RBM26: variants seen among roughly 807,000 people sequenced by gnomAD.
RBM26 encodes RNA binding motif protein 26.
RBM26 carries 30 observed loss-of-function variants against 123.6 expected under a neutral mutation model. The observed-to-expected ratio is 0.24, with a 90% CI of 0.18 to 0.33. The LOEUF (loss-of-function observed/expected upper bound fraction) is 0.33, where lower values mean the gene tolerates loss of function less well. Ranked by LOEUF, RBM26 falls within the 10% of genes least tolerant of loss-of-function variation. The probability of loss-of-function intolerance (pLI) is 1.00; values close to 1 mark genes in which losing one functional copy is unlikely to be tolerated. For missense variants in RBM26, 947 were observed against 1,203.6 expected, an observed-to-expected ratio of 0.79 and a Z score of 3.15; for synonymous variants, 400 against 404.4, an observed-to-expected ratio of 0.99 and a Z score of 0.13.
chr13:79,345,472 TATTA>T lies in RBM26; in HGVS notation c.2059-682_2059-679del, dbSNP rs1469496012. On this transcript the variant is annotated intron_variant, in intron 14 of 21. Transcript: ENST00000438737. ...AGTAAAAAAAAACGACCTGATAATA[TATTA>T]ATTAATGTGTCTTTTCCCCCGTCTA... Among the ~76,000 whole-genome samples the T allele has an allele frequency of 2.0e-5, 3 of 152,066 alleles. No individual in the cohort carries two copies. The East Asian group carries it at 5.8e-4, about 29-fold the overall frequency.
intron 20 of RBM26, among the ~76,000 whole-genome samples, chr13:79,332,412 A>G (rs1239612685): frequency 6.6e-6 from 1 of 152,178 alleles, no homozygotes; most frequent in East Asian, 1.9e-4. Flanking sequence ...CTGAAATCCA[A>G]AAGTTTGAAG....
chr13:79,311,880 CAA>C (rs2066907990), exon 5 of RBM26: 1 of 151,696 alleles, frequency 6.6e-6, no homozygotes, highest in Non-Finnish European at 1.5e-5. Flanking sequence ...AAATAATAAA[CAA>C]TATGGATTTA....
chr13:79,355,222 T>C lies in RBM26; in HGVS notation c.1852A>G (p.Lys618Glu). 6.2e-7 allele frequency: 1 copy of C among 1,613,416 alleles called. No homozygotes were observed. Among genetic ancestry groups the C allele is most frequent in the Non-Finnish European group, 8.5e-7 (1 of 1,179,524 alleles). The change falls in exon 12 of 22, where the codon AAG becomes GAG. Residue 618 changes from lysine (K) to glutamate (E), a missense_variant and splice_region_variant. Lys to Glu is a moderately conservative substitution (Grantham distance 56). Coordinates refer to ENST00000438737, the MANE Select transcript of RBM26 (RefSeq NM_001366735.2). ...TTTTACACAAATTCCTCTCTTACCT[T>C]TGGAGAAGTAGTTTGTAACTGTTGG... is the stretch of plus-strand genomic sequence containing the variant. ...STQQLQTTSP[K>E]VMQPLVQQPI...
At chr13:79,358,114 C>G (rs377511614) in intron 11 of RBM26, among the ~76,000 whole-genome samples, 160 bp downstream of exon 11, 16 of 152,220 alleles carry the variant, frequency 1.1e-4, no homozygotes, top group East Asian at 7.7e-4. Context: ...AATTCCTCAC[C>G]TCAGGTGATC....
intron 1 of RBM26, among the ~76,000 whole-genome samples, chr13:79,397,590 G>A (rs1483671836): frequency 1.4e-5 from 2 of 143,568 alleles, no homozygotes; most frequent in South Asian, 2.2e-4. Context: ...ACTGAGGCAG[G>A]AGAATCGCGT....
intron 14 of RBM26, among the ~76,000 whole-genome samples, chr13:79,348,380 TG>T (rs2072670641): frequency 6.6e-6 from 1 of 152,040 alleles, no homozygotes; most frequent in Admixed American, 6.5e-5. Context: ...TTATTTCCTA[TG>T]TAAAATAATA....
Position 79,319,560 on chromosome 13 carries a change from T to C in RBM26, c.*1061A>G. 1.0e-6 allele frequency: 1 copy of C among 982,316 alleles called. No homozygotes were observed. Among genetic ancestry groups the C allele is most frequent in the Non-Finnish European group, 1.2e-6 (1 of 827,286 alleles). The allele number at this position is 982,316 out of a possible 1,614,324, so 60.8% of individuals were successfully genotyped here. A position where few individuals can be genotyped will look rare whatever the true frequency, so the allele number is the denominator to read the frequency against. On this transcript the variant is annotated 3_prime_UTR_variant, in exon 22 of 22. Coordinates refer to ENST00000438737, the MANE Select transcript of RBM26 (RefSeq NM_001366735.2). Reference sequence around the variant, plus strand: ...CAAACAGTGTTTTCCTAAAGTAGTATCTATAGTACATTTCTTTATTCATAT... The same window carrying C: ...CAAACAGTGTTTTCCTAAAGTAGTACCTATAGTACATTTCTTTATTCATAT...
At chr13:79,328,417 T>G (rs1465545937) in intron 20 of RBM26, among the ~76,000 whole-genome samples, 1 of 151,440 alleles carries the variant, frequency 6.6e-6, no homozygotes, top group Non-Finnish European at 1.5e-5. Flanking sequence ...CCTATTTCAC[T>G]CCTTAGACCA....
chr13:79,325,886 T>A (rs1199485939), intron 20 of RBM26, among the ~76,000 whole-genome samples: 2 of 152,196 alleles, frequency 1.3e-5, no homozygotes, highest in Non-Finnish European at 2.9e-5. Context: ...CCATGTTTTA[T>A]CTTTTATACC....
At chr13:79,321,999 T>C (rs1208031674) in intron 21 of RBM26, among the ~76,000 whole-genome samples, 1 of 151,342 alleles carries the variant, frequency 6.6e-6, no homozygotes, top group Non-Finnish European at 1.5e-5. Flanking sequence ...TGAATTAAAA[T>C]AAAGGAAAGC....
intron 1 of RBM26, among the ~76,000 whole-genome samples, chr13:79,396,249 G>C (rs1377418904): frequency 1.4e-5 from 2 of 145,858 alleles, no homozygotes; most frequent in Non-Finnish European, 3.0e-5. Flanking sequence ...AGAGGAAAAG[G>C]ACAGCAAATT....
At chr13:79,344,190 A>C in intron 16 of RBM26, 58 bp downstream of exon 16, 1 of 1,056,892 alleles carries the variant, frequency 9.5e-7, no homozygotes, top group Non-Finnish European at 1.5e-6. Flanking sequence ...GCATAAGATT[A>C]AGTTCACTCC....
intron 3 of RBM26, among the ~76,000 whole-genome samples, chr13:79,372,473 A>C (rs1471933924): frequency 1.3e-5 from 2 of 151,758 alleles, no homozygotes; most frequent in Non-Finnish European, 2.9e-5. Context: ...TAATCATTTA[A>C]CTATAATGAA....
intron 1 of RBM26, among the ~76,000 whole-genome samples, chr13:79,387,028 T>TAG (rs1189737941): frequency 6.6e-6 from 1 of 152,136 alleles, no homozygotes; most frequent in Non-Finnish European, 1.5e-5. Context: ...TTCTAAGTCT[T>TAG]TCTCTAACAT....
intron 3 of RBM26, 88 bp from the exon 4 acceptor site, chr13:79,372,018 T>G: frequency 1.1e-6 from 1 of 942,698 alleles, no homozygotes. Flanking sequence ...CAGTGGTTCA[T>G]GCCTGTAATG....
intron 6 of RBM26, among the ~76,000 whole-genome samples, chr13:79,367,925 T>C (rs1438908346): frequency 3.3e-5 from 5 of 152,314 alleles, no homozygotes; most frequent in African/African-American, 1.2e-4. Context: ...ATGTCCTTCA[T>C]TTAAATCTCT....
chr13:79,316,531 A>C (rs2138245470), downstream of RBM26, among the ~76,000 whole-genome samples: 1 of 151,940 alleles, frequency 6.6e-6, no homozygotes, highest in East Asian at 1.9e-4. Context: ...AATCAGCTAA[A>C]ACAGTGAAGT....
intron 5 of RBM26, among the ~76,000 whole-genome samples, chr13:79,370,265 GA>G (rs1275145521): frequency 1.3e-5 from 2 of 152,072 alleles, no homozygotes; most frequent in Non-Finnish European, 2.9e-5. Context: ...GCAATGAGCT[GA>G]AACAGCACCA....
chr13:79,404,447 G>A (rs1243448009), intron 1 of RBM26, among the ~76,000 whole-genome samples: 1 of 152,092 alleles, frequency 6.6e-6, no homozygotes, highest in African/African-American at 2.4e-5. Flanking sequence ...TACAAAATAG[G>A]CAGAGTTAAA....
Sources: allele counts gnomAD v4.1 joint callset (sites outside exome capture counted in the v4.1 genomes callset), GRCh38; gene constraint gnomAD v4.1.1; transcripts MANE v1.5; gene names NCBI Gene and HGNC (gene_info 2026-07-23, HGNC 2026-07-21).